The following PEAK1 variants were observed in gnomAD, a reference collection of about 807,000 sequenced individuals.
The protein encoded by PEAK1 is inactive tyrosine-protein kinase PEAK1.
PEAK1 carries 54 observed loss-of-function variants against 124.7 expected under a neutral mutation model. The observed-to-expected ratio is 0.43, with a 90% CI of 0.35 to 0.54. The LOEUF (loss-of-function observed/expected upper bound fraction) is 0.54. Among genes scored for constraint, PEAK1 ranks in the 20% least tolerant of loss-of-function variants. The probability of loss-of-function intolerance (pLI) is 0.01; values close to 1 mark genes in which losing one functional copy is unlikely to be tolerated. For synonymous variants in PEAK1, 719 were observed against 760.0 expected (o/e 0.95, Z 0.89); for missense variants, 2,046 against 2,134.5 (o/e 0.96, Z 0.82).
chr15:77,382,197 G>C (rs1554051), intron 1 of PEAK1, among the ~76,000 whole-genome samples: 41,275 of 151,998 alleles, frequency 0.27, 6,643 homozygotes, highest in Middle Eastern at 0.37. Context: ...AAATCAAAGA[G>C]CTTCCTTCAG....
chr15:77,279,061 C>G (rs1035679598), intron 5 of PEAK1, among the ~76,000 whole-genome samples: 4 of 151,670 alleles, frequency 2.6e-5, no homozygotes, highest in Non-Finnish European at 5.9e-5. Flanking sequence ...GAACTGACCT[C>G]AAGTGAACCG....
intron 6 of PEAK1, among the ~76,000 whole-genome samples, chr15:77,211,233 G>C (rs1289695368): frequency 3.3e-5 from 5 of 152,110 alleles, no homozygotes; most frequent in Non-Finnish European, 7.4e-5. Flanking sequence ...ACTGTCCCTA[G>C]TGTTACAGCA....
rs1413736353 is a variant in PEAK1 at position 77,181,683 on chromosome 15, C to T, written c.244G>A (p.Gly82Arg). 1.2e-6 allele frequency: 2 copies of T among 1,613,962 alleles called. No individual in the cohort carries two copies. Among genetic ancestry groups the T allele is most frequent in the East Asian group, 2.2e-5 (1 of 44,884 alleles). ...AVKPTMIVAD[G>R]QSICGELSIQ... Reference sequence around the variant, plus strand: ...CTAAGCTCACCACATATACTTTGCCCATCTGCCACTATCATAGTGGGCTTC... The same window carrying T: ...CTAAGCTCACCACATATACTTTGCCTATCTGCCACTATCATAGTGGGCTTC... Residue 82 changes from glycine to arginine, a missense_variant, in exon 7 of 10, where the codon GGG becomes AGG. Coordinates refer to ENST00000682557, the MANE Select transcript of PEAK1 (RefSeq NM_001385026.1).
At chr15:77,402,781 T>C (rs2071483273) in intron 1 of PEAK1, 4 of 985,284 alleles carry the variant, frequency 4.1e-6, no homozygotes, top group African/African-American at 1.7e-5. Context: ...CCATTTTATA[T>C]GAATCTTGCT....
chr15:77,204,171 A>G (rs1258534254), intron 6 of PEAK1, among the ~76,000 whole-genome samples: 2 of 152,236 alleles, frequency 1.3e-5, no homozygotes, highest in Non-Finnish European at 2.9e-5. Flanking sequence ...TCACGTTATT[A>G]GGGAATTGCA....
chr15:77,161,238 A>G (rs2055611955), intron 7 of PEAK1, among the ~76,000 whole-genome samples: 1 of 152,206 alleles, frequency 6.6e-6, no homozygotes, highest in African/African-American at 2.4e-5. Context: ...GAGAGCTACA[A>G]GTTAGGCAAA....
intron 5 of PEAK1, among the ~76,000 whole-genome samples, chr15:77,265,650 T>C (rs537852840): frequency 6.6e-6 from 1 of 151,998 alleles, no homozygotes; most frequent in East Asian, 1.9e-4. Context: ...ACTTTTACAC[T>C]GTTGGTGGGA....
intron 5 of PEAK1, among the ~76,000 whole-genome samples, chr15:77,260,108 C>T (rs1475783724): frequency 1.3e-5 from 2 of 152,066 alleles, no homozygotes; most frequent in Non-Finnish European, 2.9e-5. Context: ...TCAACAAGCT[C>T]CCTTCCGCAA....
At chr15:77,266,433 G>C (rs766797415) in intron 5 of PEAK1, among the ~76,000 whole-genome samples, 5 of 152,052 alleles carry the variant, frequency 3.3e-5, no homozygotes, top group African/African-American at 1.2e-4. Flanking sequence ...AGGATGATTA[G>C]GACCCTGAAC....
At chr15:77,389,617 C>A (rs1185332570) in intron 1 of PEAK1, among the ~76,000 whole-genome samples, 1 of 152,186 alleles carries the variant, frequency 6.6e-6, no homozygotes, top group Non-Finnish European at 1.5e-5. Flanking sequence ...ACTGGATGCA[C>A]TTTCTAATTC....
At chr15:77,311,895 T>C (rs1351226496) in intron 2 of PEAK1, among the ~76,000 whole-genome samples, 1 of 151,988 alleles carries the variant, frequency 6.6e-6, no homozygotes, top group Non-Finnish European at 1.5e-5. Flanking sequence ...GCAGAGCCAA[T>C]ATACAATTTT....
intron 8 of PEAK1, among the ~76,000 whole-genome samples, chr15:77,149,405 T>C (rs1422159760): frequency 6.6e-6 from 1 of 152,244 alleles, no homozygotes; most frequent in African/African-American, 2.4e-5. Flanking sequence ...TAAAAGGATC[T>C]AAAGCCATTG....
chr15:77,182,096 A>C (rs1294845550), intron 6 of PEAK1, 56 bp from the exon 7 acceptor site: 2 of 1,301,894 alleles, frequency 1.5e-6, no homozygotes, highest in Non-Finnish European at 1.9e-6. Flanking sequence ...TATGAGACTT[A>C]CCATTATTAG....
At chr15:77,169,998 A>G (rs2056395489) in intron 7 of PEAK1, among the ~76,000 whole-genome samples, 1 of 152,228 alleles carries the variant, frequency 6.6e-6, no homozygotes. Flanking sequence ...GAGATCAGGG[A>G]TGAAGATAAT....
intron 2 of PEAK1, among the ~76,000 whole-genome samples, chr15:77,331,966 G>T (rs188996476): frequency 1.3e-5 from 2 of 151,996 alleles, no homozygotes; most frequent in Admixed American, 6.5e-5. Flanking sequence ...GCTGGGCGAG[G>T]TGGCTCACAC....
intron 2 of PEAK1, among the ~76,000 whole-genome samples, chr15:77,340,340 C>T (rs1216091103): frequency 6.6e-6 from 1 of 152,136 alleles, no homozygotes; most frequent in Non-Finnish European, 1.5e-5. Context: ...TGAACTAACA[C>T]AGATAAGTGA....
intron 7 of PEAK1, among the ~76,000 whole-genome samples, chr15:77,173,418 T>A (rs2056644597): frequency 6.6e-6 from 1 of 152,210 alleles, no homozygotes. Context: ...AATAAAGTTA[T>A]TAACAAATCT....
At chr15:77,383,118 G>A (rs1490490956) in intron 1 of PEAK1, among the ~76,000 whole-genome samples, 1 of 151,392 alleles carries the variant, frequency 6.6e-6, no homozygotes, top group African/African-American at 2.4e-5. Flanking sequence ...CCGTTGCCCG[G>A]GTTCAAGCAA....
downstream of PEAK1, chr15:77,107,214 T>C (rs2050764714): frequency 6.6e-6 from 1 of 152,394 alleles, no homozygotes; most frequent in South Asian, 2.1e-4. Flanking sequence ...TTCTCTAGGC[T>C]CTTCTCCAGC....
Sources: gnomAD v4.1 joint callset for allele counts (sites outside exome capture counted in the v4.1 genomes callset) on GRCh38, gnomAD v4.1.1 for gene constraint, MANE v1.5 for transcripts, NCBI Gene and HGNC (gene_info 2026-07-23, HGNC 2026-07-21) for gene names.